Variants in SCAI observed in about 807,000 individuals in gnomAD.
The protein encoded by SCAI is protein SCAI.
SCAI carries 24 observed loss-of-function variants against 92.2 expected under a neutral mutation model. The observed-to-expected ratio is 0.26, with a 90% CI of 0.19 to 0.37. The LOEUF is 0.37. SCAI is among the 10% of genes least tolerant of loss of function. SCAI has a pLI of 1.00. For missense variants in SCAI, 450 were observed against 736.2 expected (o/e 0.61, Z 4.50); for synonymous variants, 261 against 258.6 (o/e 1.01, Z -0.09).
At chr9:124,968,385 G>T in intron 17 of SCAI, 1 of 1,152,806 alleles carries the variant, frequency 8.7e-7, no homozygotes, top group Admixed American at 1.7e-5. Flanking sequence ...ATCATGGAGG[G>T]ACACGCAATC....
At position 124,952,270 on chromosome 9, in the gene SCAI, A is replaced by G. The variant is rs1236961723; in HGVS notation, c.*537T>C. ...TGAAATTATGACAGTATTGAAAGAA[A>G]TTAAATGATTTCAAAAAACTGGCTT... On this transcript the variant is annotated 3_prime_UTR_variant, in exon 18 of 18. Transcript: ENST00000336505. 6.6e-6 allele frequency: 1 copy of G among 152,256 alleles called. No individual in the cohort carries two copies. Among genetic ancestry groups the G allele is most frequent in the African/African-American group, 2.4e-5 (1 of 41,476 alleles). 9.4% of individuals were successfully genotyped at this position (152,256 alleles called of 1,614,324 possible).
chr9:125,082,331 A>G (rs550754184), intron 2 of SCAI, among the ~76,000 whole-genome samples: 1 of 152,348 alleles, frequency 6.6e-6, no homozygotes, highest in South Asian at 2.1e-4. Flanking sequence ...CCTAGATTTC[A>G]GAAGATGTAT....
chr9:125,078,573 G>A (rs1225079857), intron 2 of SCAI, among the ~76,000 whole-genome samples: 1 of 152,008 alleles, frequency 6.6e-6, no homozygotes, highest in Non-Finnish European at 1.5e-5. Flanking sequence ...ACAGTAGTCT[G>A]CTGGTTCACC....
intron 3 of SCAI, among the ~76,000 whole-genome samples, chr9:125,050,251 A>T (rs1833533883): frequency 6.6e-6 from 1 of 152,142 alleles, no homozygotes; most frequent in African/African-American, 2.4e-5. Flanking sequence ...CCATAGACCT[A>T]CTCAGACCAA....
intron 2 of SCAI, among the ~76,000 whole-genome samples, chr9:125,106,125 ATATATATAT>A (rs1834787881): frequency 1.2e-5 from 1 of 82,190 alleles, no homozygotes; most frequent in African/African-American, 6.4e-5. Flanking sequence ...AAAAAAAAAT[ATATATATAT>A]ATATATATAT....
At chr9:124,956,365 T>A (rs4258093) in intron 17 of SCAI, among the ~76,000 whole-genome samples, 81,222 of 151,854 alleles carry the variant, frequency 0.53, 22,445 homozygotes, top group South Asian at 0.58. Context: ...ATTACAGGCA[T>A]GCGCCACCAC....
chr9:125,074,274 AAAGAT>A (rs1564402559), intron 2 of SCAI, among the ~76,000 whole-genome samples: 3 of 149,074 alleles, frequency 2.0e-5, no homozygotes, highest in African/African-American at 4.9e-5. Flanking sequence ...AAAAAAAAAA[AAAGAT>A]AGAGTCTCGC....
chr9:124,984,856 G>C (rs910056710), intron 14 of SCAI, among the ~76,000 whole-genome samples: 4 of 152,086 alleles, frequency 2.6e-5, no homozygotes, highest in African/African-American at 7.2e-5. Flanking sequence ...GTCAGCTGTA[G>C]GTGGAAAAGA....
chr9:125,077,317 C>T (rs1834110211), intron 2 of SCAI, among the ~76,000 whole-genome samples: 4 of 152,202 alleles, frequency 2.6e-5, no homozygotes, highest in Non-Finnish European at 5.9e-5. Flanking sequence ...TTGTAATACT[C>T]TATTGTATGG....
At chr9:125,054,654 T>C (rs2131134949) in intron 3 of SCAI, among the ~76,000 whole-genome samples, 1 of 152,274 alleles carries the variant, frequency 6.6e-6, no homozygotes, top group East Asian at 1.9e-4. Context: ...ATTAAAATAG[T>C]GAAAGAAAAT....
intron 2 of SCAI, among the ~76,000 whole-genome samples, chr9:125,117,665 C>CAA (rs372964615): frequency 0.059 from 2,594 of 44,248 alleles, 256 homozygotes; most frequent in African/African-American, 0.16. Flanking sequence ...GACTCCATCT[C>CAA]AAAAAAAAAA....
intron 9 of SCAI, among the ~76,000 whole-genome samples, chr9:125,004,783 T>A (rs1366893493): frequency 1.4e-4 from 7 of 48,348 alleles, no homozygotes; most frequent in Admixed American, 3.1e-4. Flanking sequence ...ATATATATTT[T>A]TTTTTTTTTT....
intron 1 of SCAI, among the ~76,000 whole-genome samples, chr9:125,143,144 G>T (rs1200275846): frequency 2.2e-5 from 3 of 134,588 alleles, no homozygotes; most frequent in African/African-American, 8.6e-5. Context: ...CCGGCCCCGC[G>T]CCGCCAGCCT....
At chr9:125,059,650 T>C (rs754438999) in intron 2 of SCAI, among the ~76,000 whole-genome samples, 2 of 152,204 alleles carry the variant, frequency 1.3e-5, no homozygotes, top group Non-Finnish European at 2.9e-5. Flanking sequence ...CCTGAATGTA[T>C]GAGGGGACAT....
At chr9:125,068,901 T>C (rs1258140505) in intron 2 of SCAI, among the ~76,000 whole-genome samples, 1 of 151,476 alleles carries the variant, frequency 6.6e-6, no homozygotes, top group African/African-American at 2.4e-5. Flanking sequence ...AGGAAGTACA[T>C]AGGAAAGAAA....
Position 125,065,966 on chromosome 9 carries a change from T to C in SCAI, c.99-9959A>G, listed in dbSNP as rs375903775. The C allele has an allele frequency of 3.0e-5, 23 of 759,476 alleles. No homozygotes were observed. In the African/African-American group the frequency reaches 3.4e-4, roughly 11 times the overall value. 47.0% of individuals were successfully genotyped at this position (759,476 alleles called of 1,614,324 possible). A position where few individuals can be genotyped will look rare whatever the true frequency, so the allele number is the denominator to read the frequency against. On this transcript the variant is annotated intron_variant, in intron 2 of 17. Transcript: ENST00000336505. ...ATTAATTTTATAAAGGATATGTATT[T>C]TAAAACTATAGCAAAAATCATACTT...
At chr9:125,004,472 G>C (rs1832432385) in intron 9 of SCAI, among the ~76,000 whole-genome samples, 1 of 151,202 alleles carries the variant, frequency 6.6e-6, no homozygotes, top group African/African-American at 2.4e-5. Flanking sequence ...GGGATTACAG[G>C]CGTGTGCCAA....
At chr9:124,986,848 T>C (rs1832003561) in intron 14 of SCAI, among the ~76,000 whole-genome samples, 2 of 152,210 alleles carry the variant, frequency 1.3e-5, no homozygotes, top group Non-Finnish European at 2.9e-5. Context: ...CTTAAGAAAC[T>C]GATTGCTGTA....
At chr9:125,054,060 G>C (rs758415337) in intron 3 of SCAI, among the ~76,000 whole-genome samples, 7 of 152,024 alleles carry the variant, frequency 4.6e-5, no homozygotes, top group Non-Finnish European at 4.4e-5. Flanking sequence ...CTGAAGCCTC[G>C]ATCTCCTGGG....
Sources: allele counts gnomAD v4.1 joint callset (sites outside exome capture counted in the v4.1 genomes callset), GRCh38; gene constraint gnomAD v4.1.1; transcripts MANE v1.5; gene names NCBI Gene and HGNC (gene_info 2026-07-23, HGNC 2026-07-21).